CDC42BPA: variants seen among roughly 807,000 people sequenced by gnomAD.
CDC42BPA encodes the protein serine/threonine-protein kinase MRCK alpha.
CDC42BPA carries 80 observed loss-of-function variants against 223.5 expected under a neutral mutation model. The observed-to-expected ratio is 0.36, with a 90% CI of 0.30 to 0.43. The LOEUF (loss-of-function observed/expected upper bound fraction) is 0.43. CDC42BPA is among the 20% of genes least tolerant of loss of function. CDC42BPA has a pLI of 1.00. For missense variants in CDC42BPA, 1,743 were observed against 2,099.9 expected (o/e 0.83, Z 3.32); for synonymous variants, 694 against 718.6 (o/e 0.97, Z 0.55).
chr1:227,138,524 C>CCAAAAAAA (rs370104507), intron 10 of CDC42BPA, among the ~76,000 whole-genome samples: 2 of 96,180 alleles, frequency 2.1e-5, no homozygotes, highest in Admixed American at 1.1e-4. Context: ...CCCCAGAAGC[C>CCAAAAAAA]AAAAAAAAAA....
chr1:227,179,447 T>C (rs1232314704), intron 5 of CDC42BPA, among the ~76,000 whole-genome samples: 2 of 151,330 alleles, frequency 1.3e-5, no homozygotes, highest in South Asian at 2.1e-4. Flanking sequence ...CCATCCTGGC[T>C]AACATGGTGA....
chr1:227,130,533 T>C (rs1429832375), intron 10 of CDC42BPA, among the ~76,000 whole-genome samples: 1 of 151,710 alleles, frequency 6.6e-6, no homozygotes, highest in Non-Finnish European at 1.5e-5. Flanking sequence ...AAATTGGGGG[T>C]AGAAAATGGG....
intron 16 of CDC42BPA, among the ~76,000 whole-genome samples, chr1:227,088,063 C>T (rs866078719): frequency 1.3e-5 from 2 of 152,134 alleles, no homozygotes; most frequent in African/African-American, 2.4e-5. Flanking sequence ...TATGTGGAAT[C>T]GGTTAGAAAA....
At chr1:227,016,642 A>G (rs1666321833) in intron 33 of CDC42BPA, among the ~76,000 whole-genome samples, 1 of 149,402 alleles carries the variant, frequency 6.7e-6, no homozygotes, top group Non-Finnish European at 1.5e-5. Context: ...CTATGCTTAT[A>G]CTGTAGAAAG....
rs1214691791 is a variant in CDC42BPA, at chr1:227,034,641, C to T, written c.3476+14G>A. 6 of 1,577,086 alleles carry T rather than the reference C, an allele frequency of 3.8e-6. No homozygotes were observed. In the Admixed American group the frequency reaches 7.3e-5, roughly 19 times the overall value. On this transcript the variant is annotated intron_variant, in intron 26 of 36. Coordinates refer to ENST00000366766, the MANE Select transcript of CDC42BPA (RefSeq NM_001394014.1). ...GTTGCAATGATACAAATAATTTTAC[C>T]TTCAAACTCTTACCTCATGTCAATC...
intron 35 of CDC42BPA, among the ~76,000 whole-genome samples, chr1:227,001,583 C>T (rs1299057810): frequency 2.6e-5 from 4 of 152,150 alleles, no homozygotes; most frequent in African/African-American, 9.7e-5. Flanking sequence ...TTTTCACAAG[C>T]TTGATGCAAA....
intron 15 of CDC42BPA, among the ~76,000 whole-genome samples, chr1:227,097,018 A>C (rs961651726): frequency 6.6e-6 from 1 of 152,110 alleles, no homozygotes; most frequent in Non-Finnish European, 1.5e-5. Flanking sequence ...TTTTCATGAT[A>C]GGTTAAAAAA....
intron 5 of CDC42BPA, among the ~76,000 whole-genome samples, chr1:227,165,217 A>G (rs1664817373): frequency 6.6e-6 from 1 of 152,222 alleles, no homozygotes; most frequent in Non-Finnish European, 1.5e-5. Context: ...ACAAGAACTA[A>G]AAGGTAGAAA....
At chr1:227,037,427 C>T (rs1171977969) in intron 24 of CDC42BPA, among the ~76,000 whole-genome samples, 3 of 152,196 alleles carry the variant, frequency 2.0e-5, no homozygotes, top group Non-Finnish European at 4.4e-5. Context: ...TAACCCTGAA[C>T]ATTTTATTTG....
At chr1:227,137,236 C>T (rs986419369) in intron 10 of CDC42BPA, among the ~76,000 whole-genome samples, 15 of 151,968 alleles carry the variant, frequency 9.9e-5, no homozygotes, top group Admixed American at 2.0e-4. Flanking sequence ...GACTAGATAT[C>T]CAAATGGATA....
At chr1:227,040,038 AAAAC>A (rs1671060826) in intron 24 of CDC42BPA, 89 bp downstream of exon 24, 6 of 821,052 alleles carry the variant, frequency 7.3e-6, no homozygotes, top group Non-Finnish European at 1.2e-5. Flanking sequence ...ATGATTAAGT[AAAAC>A]AAACATTTAT....
At chr1:227,054,098 A>G (rs1019813784) in intron 21 of CDC42BPA, among the ~76,000 whole-genome samples, 18 of 152,136 alleles carry the variant, frequency 1.2e-4, no homozygotes, top group Admixed American at 1.2e-3. Context: ...AAACTGAGCC[A>G]TCTTAAGAAA....
At chr1:227,138,258 T>G (rs1048458034) in intron 10 of CDC42BPA, among the ~76,000 whole-genome samples, 2 of 152,010 alleles carry the variant, frequency 1.3e-5, no homozygotes, top group African/African-American at 4.8e-5. Flanking sequence ...TCACAAAATA[T>G]GTAAGTAAAA....
intron 1 of CDC42BPA, among the ~76,000 whole-genome samples, chr1:227,284,412 G>A (rs10916115): frequency 0.31 from 46,755 of 151,902 alleles, 7,376 homozygotes; most frequent in East Asian, 0.37. Flanking sequence ...AATACTGGTT[G>A]GTTTTCCAGT....
rs111711185 is a variant in CDC42BPA at position 227,110,768 on chromosome 1, G to A, written c.2001+1544C>T. Among the ~76,000 whole-genome samples the A allele has an allele frequency of 1.7e-3, 257 of 152,158 alleles. 1 individual carries two copies. The highest frequency in any genetic ancestry group is 2.6e-3 in the Non-Finnish European group (174 of 67,988). On this transcript the variant is annotated intron_variant, in intron 14 of 36. Transcript: ENST00000366766. ...TATATAGAAGACACATCTCTACTTC[G>A]TAAAGCTAACCAGGACTATGAATTC...
intron 1 of CDC42BPA, among the ~76,000 whole-genome samples, chr1:227,307,689 G>C (rs1311569203): frequency 6.6e-6 from 1 of 152,118 alleles, no homozygotes; most frequent in Non-Finnish European, 1.5e-5. Context: ...GGAAACACTA[G>C]TGTACATTAA....
chr1:227,068,117 G>T (rs1020230197), intron 21 of CDC42BPA, among the ~76,000 whole-genome samples: 1 of 151,858 alleles, frequency 6.6e-6, no homozygotes, highest in African/African-American at 2.4e-5. Context: ...TTGCACATTA[G>T]AAGAGAAATT....
intron 1 of CDC42BPA, among the ~76,000 whole-genome samples, chr1:227,255,207 A>G (rs977735912): frequency 5.3e-5 from 8 of 152,190 alleles, no homozygotes; most frequent in Admixed American, 1.3e-4. Context: ...AGGAACTGAT[A>G]TGATTAAAGG....
At chr1:227,265,331 C>T in intron 1 of CDC42BPA, 1 of 385,514 alleles carries the variant, frequency 2.6e-6, no homozygotes, top group Admixed American at 3.7e-5. Flanking sequence ...ACCTATACCT[C>T]ATAACCCTCA....
Sources: allele counts gnomAD v4.1 joint callset (sites outside exome capture counted in the v4.1 genomes callset), GRCh38; gene constraint gnomAD v4.1.1; transcripts MANE v1.5; gene names NCBI Gene and HGNC (gene_info 2026-07-23, HGNC 2026-07-21).